Variants in DYNLT2B observed in about 807,000 individuals in gnomAD.
DYNLT2B encodes dynein light chain Tctex-type protein 2B.
DYNLT2B carries 14 observed loss-of-function variants against 19.5 expected under a neutral mutation model. The ratio of observed to expected loss-of-function variants is 0.72; its 90% CI spans 0.47 to 1.12. DYNLT2B has a LOEUF of 1.12. Among genes scored for constraint, DYNLT2B ranks in the 50% most tolerant of loss-of-function variants. DYNLT2B has a pLI of 0.00. For missense variants in DYNLT2B, 133 were observed against 174.7 expected, an observed-to-expected ratio of 0.76 and a Z score of 1.35; for synonymous variants, 70 against 59.7, an observed-to-expected ratio of 1.17 and a Z score of -0.79.
intron 2 of DYNLT2B, among the ~76,000 whole-genome samples, chr3:196,312,914 G>A (rs1726679577): frequency 6.6e-6 from 1 of 152,166 alleles, no homozygotes; most frequent in Non-Finnish European, 1.5e-5. Context: ...CTAATTGAGA[G>A]GCTGAGGCAG....
rs1056832063 is a variant in DYNLT2B at position 196,316,175 on chromosome 3, G to T, written c.170C>A (p.Ala57Glu). Reference protein sequence around the residue: ...CIHAVLKEELANAEYSPEEMP... With the variant: ...CIHAVLKEELENAEYSPEEMP... ...TTCTTCTGGAGAATATTCAGCATTT[G>T]CCAGTTCCTCCTTGAGCACAGCATG... is the stretch of plus-strand genomic sequence containing the variant. Residue 57 changes from alanine to glutamate, a missense_variant, in exon 2 of 5, where the codon GCA becomes GAA. Coordinates refer to ENST00000325318, the MANE Select transcript of DYNLT2B (RefSeq NM_152773.5). 6 of 1,613,666 alleles carry T rather than the reference G, an allele frequency of 3.7e-6. No homozygotes were observed. The African/African-American group carries it at 6.7e-5, about 18-fold the overall frequency.
intron 3 of DYNLT2B, among the ~76,000 whole-genome samples, chr3:196,301,662 G>A (rs1334326139): frequency 1.3e-5 from 2 of 152,044 alleles, no homozygotes; most frequent in African/African-American, 4.8e-5. Flanking sequence ...GCAGTGAGCA[G>A]AGATGGCGCC....
intron 1 of DYNLT2B, among the ~76,000 whole-genome samples, chr3:196,316,529 T>C (rs1354075312): frequency 6.6e-6 from 1 of 151,876 alleles, no homozygotes; most frequent in Non-Finnish European, 1.5e-5. Context: ...ACAAAATATA[T>C]ACTTGTTGTT....
At chr3:196,294,936 T>C (rs73212150) in intron 4 of DYNLT2B, among the ~76,000 whole-genome samples, 12,228 of 151,792 alleles carry the variant, frequency 0.081, 613 homozygotes, top group African/African-American at 0.13. Flanking sequence ...GAGAAGAGGT[T>C]TCACAATGTT....
rs763865310 is a variant in DYNLT2B, at chr3:196,318,025, C to G, written c.113+15G>C. On this transcript the variant is annotated intron_variant, in intron 1 of 4. Coordinates refer to ENST00000325318, the MANE Select transcript of DYNLT2B (RefSeq NM_152773.5). ...GCGCTCGAGGTCGCCCCGCCACAGC[C>G]CGTCCTCTACCCGCCTCTGCTGGAA... 1 of 1,480,124 alleles carries G rather than the reference C, an allele frequency of 6.8e-7. No homozygotes were observed. The highest frequency in any genetic ancestry group is 1.3e-5 in the South Asian group (1 of 76,594). The allele number at this position is 1,480,124 out of a possible 1,614,324, so 91.7% of individuals were successfully genotyped here.
At chr3:196,316,906 TGTTGTGTG>T (rs111837664) in intron 1 of DYNLT2B, among the ~76,000 whole-genome samples, 285 of 80,480 alleles carry the variant, frequency 3.5e-3, no homozygotes, top group East Asian at 0.019. Context: ...TGTGTGTGTG[TGTTGTGTG>T]GTGTGTGTGT....
chr3:196,296,247 G>C, intron 3 of DYNLT2B, 178 bp from the exon 4 acceptor site: 1 of 552,620 alleles, frequency 1.8e-6, no homozygotes, highest in South Asian at 2.5e-5. Context: ...GGGTAAACCG[G>C]AGAAACTAGA....
At chr3:196,301,065 A>G (rs1453639529) in intron 3 of DYNLT2B, among the ~76,000 whole-genome samples, 2 of 152,014 alleles carry the variant, frequency 1.3e-5, no homozygotes, top group Non-Finnish European at 2.9e-5. Context: ...GTCTCAAAAA[A>G]GAAAAAAAAA....
chr3:196,311,714 C>T (rs933397137), intron 2 of DYNLT2B, among the ~76,000 whole-genome samples: 12 of 150,956 alleles, frequency 7.9e-5, no homozygotes, highest in African/African-American at 2.5e-4. Flanking sequence ...GACAGAGTCT[C>T]GCTCTGTTGC....
chr3:196,305,450 C>T (rs1726462136), intron 3 of DYNLT2B, among the ~76,000 whole-genome samples: 1 of 152,134 alleles, frequency 6.6e-6, no homozygotes, highest in Admixed American at 6.6e-5. Flanking sequence ...ATATAGGAAA[C>T]TCTACAGGAC....
At position 196,316,013 on chromosome 3, in the gene DYNLT2B, C is replaced by G. The variant is rs1726780467; in HGVS notation, c.247+85G>C. ...AGCCACCACACCTGGCCCCAATGTCCTTTGTTTAAAGATGGAGAGGGGGCA... is the reference window on the plus strand; with the variant it reads ...AGCCACCACACCTGGCCCCAATGTCGTTTGTTTAAAGATGGAGAGGGGGCA... On this transcript the variant is annotated intron_variant, in intron 2 of 4. Transcript: ENST00000325318. The G allele has an allele frequency of 2.0e-6, 3 of 1,472,546 alleles. No individual in the cohort carries two copies. The South Asian group carries it at 4.0e-5, about 20-fold the overall frequency. The allele number at this position is 1,472,546 out of a possible 1,614,324, so 91.2% of individuals were successfully genotyped here.
chr3:196,306,701 A>G (rs1726497895), intron 3 of DYNLT2B, among the ~76,000 whole-genome samples: 1 of 152,074 alleles, frequency 6.6e-6, no homozygotes, highest in Non-Finnish European at 1.5e-5. Context: ...AGCGCACGCC[A>G]TCACACCCGG....
At chr3:196,306,446 A>G (rs1726490925) in intron 3 of DYNLT2B, among the ~76,000 whole-genome samples, 1 of 150,932 alleles carries the variant, frequency 6.6e-6, no homozygotes, top group South Asian at 2.1e-4. Context: ...AAAAAAAAAG[A>G]AAAGAAAGAA....
chr3:196,299,706 C>A (rs1204059736), intron 3 of DYNLT2B, among the ~76,000 whole-genome samples: 4 of 151,336 alleles, frequency 2.6e-5, no homozygotes, highest in Non-Finnish European at 4.4e-5. Flanking sequence ...CTGAGGCAGG[C>A]GGATCACGAG....
At chr3:196,303,999 G>T (rs1273167816) in intron 3 of DYNLT2B, among the ~76,000 whole-genome samples, 2 of 152,042 alleles carry the variant, frequency 1.3e-5, no homozygotes, top group African/African-American at 4.8e-5. Flanking sequence ...CTCCAGCGTG[G>T]GCGACAGAGC....
rs191287705 is a variant in DYNLT2B at position 196,314,565 on chromosome 3, C to T, written c.247+1533G>A. ...CAGTGGCTCACACCTGCAATCCCAG[C>T]AGTTTGCGAGGCCTAGGTGGGAGAA... On this transcript the variant is annotated intron_variant, in intron 2 of 4. Transcript: ENST00000325318. Among the ~76,000 whole-genome samples, 10 of 151,972 alleles carry T rather than the reference C, an allele frequency of 6.6e-5. No homozygotes were observed. In the East Asian group the frequency reaches 1.9e-3, roughly 29 times the overall value.
intron 2 of DYNLT2B, among the ~76,000 whole-genome samples, chr3:196,314,630 T>A (rs1029101481): frequency 6.6e-6 from 1 of 151,656 alleles, no homozygotes; most frequent in African/African-American, 2.4e-5. Context: ...CAGGGCAACA[T>A]GGCAAGACAC....
chr3:196,291,361 C>G lies in DYNLT2B; in HGVS notation c.395G>C (p.Cys132Ser), dbSNP rs377256347. Residue 132 changes from cysteine (C) to serine (S), a missense_variant, in exon 5 of 5, where the codon TGC becomes TCC. By Grantham distance (112) the Cys-to-Ser change is moderately radical. Transcript: ENST00000325318. ...HDVFMNDSLF[C>S]VVAAFGCFYY ...GAAACAGCCAAATGCTGCTACAACG[C>G]AGAATAAACTGTCCTAAAAAATAAA... is the stretch of plus-strand genomic sequence containing the variant. The G allele has an allele frequency of 3.1e-6, 5 of 1,609,814 alleles. No homozygotes were observed. The highest frequency in any genetic ancestry group is 4.2e-6 in the Non-Finnish European group (5 of 1,178,270).
At chr3:196,291,505 G>T (rs1307858182) in intron 4 of DYNLT2B, 131 bp from the exon 5 acceptor site, 3 of 876,708 alleles carry the variant, frequency 3.4e-6, no homozygotes, top group Non-Finnish European at 5.2e-6. Context: ...TTGAGACAGG[G>T]TGTCACTCTA....
Sources: allele counts gnomAD v4.1 joint callset (sites outside exome capture counted in the v4.1 genomes callset), GRCh38; gene constraint gnomAD v4.1.1; transcripts MANE v1.5; gene names NCBI Gene and HGNC (gene_info 2026-07-23, HGNC 2026-07-21).